The following UNC13C variants were observed in gnomAD, a reference collection of about 807,000 sequenced individuals.
UNC13C encodes protein unc-13 homolog C.
Under a neutral mutation model 245.4 loss-of-function variants are expected in UNC13C, and 174 were observed. The ratio of observed to expected loss-of-function variants is 0.71; its 90% CI spans 0.63 to 0.80. The LOEUF is 0.80. Ranked by LOEUF, UNC13C falls within the 30% of genes least tolerant of loss-of-function variation. The probability of loss-of-function intolerance (pLI) is 0.00; values close to 1 mark genes in which losing one functional copy is unlikely to be tolerated. For synonymous variants in UNC13C, 992 were observed against 895.1 expected (o/e 1.11, Z -1.93); for missense variants, 2,829 against 2,602.9 (o/e 1.09, Z -1.89).
At chr15:54,075,564 A>G (rs1264974146) in intron 2 of UNC13C, among the ~76,000 whole-genome samples, 2 of 142,110 alleles carry the variant, frequency 1.4e-5, no homozygotes, top group Non-Finnish European at 3.0e-5. Context: ...AAAAAAAAAA[A>G]AAAAAAAAAA....
At chr15:54,136,946 C>A (rs957558886) in intron 2 of UNC13C, among the ~76,000 whole-genome samples, 3 of 152,024 alleles carry the variant, frequency 2.0e-5, no homozygotes, top group Non-Finnish European at 4.4e-5. Context: ...AATCAGTCCT[C>A]CCATCTCAGC....
At chr15:54,604,360 A>T (rs141669014) in intron 30 of UNC13C, among the ~76,000 whole-genome samples, 1 of 150,926 alleles carries the variant, frequency 6.6e-6, no homozygotes. Flanking sequence ...AACACAACGA[A>T]GTTTGAAATT....
intron 17 of UNC13C, among the ~76,000 whole-genome samples, chr15:54,364,685 G>A (rs510966): frequency 6.6e-6 from 1 of 151,840 alleles, no homozygotes; most frequent in Non-Finnish European, 1.5e-5. Context: ...ATGGAAAATA[G>A]TGCCCACTAG....
chr15:54,190,759 A>T (rs531759576), intron 4 of UNC13C, among the ~76,000 whole-genome samples: 10 of 152,176 alleles, frequency 6.6e-5, no homozygotes, highest in African/African-American at 2.4e-4. Context: ...TATATAATAG[A>T]TAAACTTTGC....
chr15:54,415,595 G>T (rs568798437), intron 19 of UNC13C, among the ~76,000 whole-genome samples: 2 of 152,246 alleles, frequency 1.3e-5, no homozygotes, highest in African/African-American at 2.4e-5. Flanking sequence ...CACCCTCATT[G>T]TGTTTACAGT....
chr15:54,156,796 T>G (rs1312833107), intron 4 of UNC13C, among the ~76,000 whole-genome samples: 1 of 89,038 alleles, frequency 1.1e-5, no homozygotes, highest in Non-Finnish European at 2.3e-5. Context: ...ACATATTTGA[T>G]GAAAGACTGT....
chr15:54,348,630 T>A (rs958438197), intron 17 of UNC13C, among the ~76,000 whole-genome samples: 2 of 152,308 alleles, frequency 1.3e-5, no homozygotes, highest in African/African-American at 4.8e-5. Flanking sequence ...TACCTGAATT[T>A]AAATGTGGAA....
rs554991655 is a variant in UNC13C, at chr15:54,452,960, A to G, written c.4933+37893A>G. On this transcript the variant is annotated intron_variant, in intron 19 of 32. Coordinates refer to ENST00000260323, the MANE Select transcript of UNC13C (RefSeq NM_001080534.3). The stretch of plus-strand genomic sequence containing the variant: ...GCTCTCAGCAGGGGATGACAATGGG[A>G]TTCTAAGGGTGTGGAAATGCAGAGG... Among the ~76,000 whole-genome samples the G allele has an allele frequency of 6.8e-4, 103 of 152,254 alleles. 3 individuals carry two copies. In the South Asian group the frequency reaches 6.8e-3, roughly 10 times the overall value.
chr15:54,052,368 A>G (rs1320104482), intron 2 of UNC13C, among the ~76,000 whole-genome samples: 1 of 147,206 alleles, frequency 6.8e-6, no homozygotes, highest in Non-Finnish European at 1.5e-5. Flanking sequence ...ACTAGTTTAC[A>G]GTCCCACCAA....
chr15:54,068,243 G>A (rs191324735), intron 2 of UNC13C, among the ~76,000 whole-genome samples: 1 of 152,254 alleles, frequency 6.6e-6, no homozygotes, highest in East Asian at 1.9e-4. Flanking sequence ...TGAAACTGAT[G>A]TTCAAGAAAA....
At chr15:54,190,754 AATAG>A (rs1474927724) in intron 4 of UNC13C, among the ~76,000 whole-genome samples, 1 of 152,044 alleles carries the variant, frequency 6.6e-6, no homozygotes, top group African/African-American at 2.4e-5. Flanking sequence ...ATTTATATAT[AATAG>A]ATAAACTTTG....
chr15:54,390,337 T>G lies in UNC13C; in HGVS notation c.4714-2711T>G, dbSNP rs11634698. 6.7e-3 allele frequency among the ~76,000 whole-genome samples: 1,023 copies of G among 152,222 alleles called. 8 individuals carry two copies. Among genetic ancestry groups the G allele is most frequent in the Non-Finnish European group, 0.012 (844 of 68,006 alleles). ...TCCCATCAGCTTGTCTGTAAAAACT[T>G]TTCTCTATATGCTTTTCTGTAATGA... On this transcript the variant is annotated intron_variant, in intron 17 of 32. Transcript: ENST00000260323.
chr15:54,015,110 G>A lies in UNC13C; in HGVS notation c.2207G>A (p.Gly736Asp), dbSNP rs1433151023. ...AATGAACCACAAGGCCAGTGGGTTG[G>A]CCAATATGATTCTTATCAGGGAGCT... ...LDNEPQGQWV[G>D]QYDSYQGANS... Residue 736 changes from glycine to aspartate, a missense_variant, in exon 2 of 33, where the codon GGC (glycine) becomes GAC (aspartate). By Grantham distance (94) the Gly-to-Asp change is moderately conservative (BLOSUM62 -1). Coordinates refer to ENST00000260323, the MANE Select transcript of UNC13C (RefSeq NM_001080534.3). 5 of 1,612,580 alleles carry A rather than the reference G, an allele frequency of 3.1e-6. No homozygotes were observed. The highest frequency in any genetic ancestry group is 4.2e-6 in the Non-Finnish European group (5 of 1,179,332).
At chr15:54,418,745 G>A (rs912864523) in intron 19 of UNC13C, among the ~76,000 whole-genome samples, 2 of 152,066 alleles carry the variant, frequency 1.3e-5, no homozygotes, top group African/African-American at 2.4e-5. Context: ...ACAATAAAAC[G>A]GGAGCAAGAA....
rs56152927 is a variant in UNC13C, at chr15:54,592,863, GTT to G, written c.6106+24931_6106+24932del. Reference sequence around the variant, plus strand: ...TTGTTGCCTGTGTACTTTGTTTTTTGTTTTTTTTTTTTTTTTACTTGTATTTT... The same window carrying G: ...TTGTTGCCTGTGTACTTTGTTTTTTGTTTTTTTTTTTTTTACTTGTATTTT... On this transcript the variant is annotated intron_variant, in intron 30 of 32. Transcript: ENST00000260323. Among the ~76,000 whole-genome samples, 369 of 134,104 alleles carry G rather than the reference GTT, an allele frequency of 2.8e-3. 1 individual carries two copies. The highest frequency in any genetic ancestry group is 6.5e-3 in the African/African-American group (236 of 36,522). The allele number at this position is 134,104 out of a possible 152,430, so 88.0% of individuals were successfully genotyped here.
chr15:54,305,543 A>G (rs1191953879), intron 13 of UNC13C, among the ~76,000 whole-genome samples: 2 of 152,088 alleles, frequency 1.3e-5, no homozygotes, highest in Non-Finnish European at 2.9e-5. Flanking sequence ...CTATCTTTTA[A>G]TTTAAACCGG....
rs950149075 is a variant in UNC13C at position 54,628,286 on chromosome 15, A to C, written c.*1173A>C. On this transcript the variant is annotated 3_prime_UTR_variant, in exon 33 of 33. Coordinates refer to ENST00000260323, the MANE Select transcript of UNC13C (RefSeq NM_001080534.3). ...TTGACTTTTTAGAGTCTATGCCAAA[A>C]TATATGGCTGTAAAACAGTACTTTG... 6.6e-6 allele frequency: 1 copy of C among 152,250 alleles called. No homozygotes were observed. Among genetic ancestry groups the C allele is most frequent in the Non-Finnish European group, 1.5e-5 (1 of 68,030 alleles). 9.4% of individuals were successfully genotyped at this position (152,250 alleles called of 1,614,324 possible).
intron 2 of UNC13C, among the ~76,000 whole-genome samples, chr15:54,017,011 A>C (rs1895691305): frequency 6.6e-6 from 1 of 152,164 alleles, no homozygotes; most frequent in Non-Finnish European, 1.5e-5. Context: ...CCCCTAAATG[A>C]GCCATTTTGT....
intron 19 of UNC13C, among the ~76,000 whole-genome samples, chr15:54,430,673 T>G (rs1016283936): frequency 6.6e-6 from 1 of 151,734 alleles, no homozygotes; most frequent in Non-Finnish European, 1.5e-5. Flanking sequence ...TGTTTTATCT[T>G]GTTTAAATTT....
Sources: gnomAD v4.1 joint callset for allele counts (sites outside exome capture counted in the v4.1 genomes callset) on GRCh38, gnomAD v4.1.1 for gene constraint, MANE v1.5 for transcripts, NCBI Gene and HGNC (gene_info 2026-07-23, HGNC 2026-07-21) for gene names.